The following DTNB variants were observed in gnomAD, a reference collection of about 807,000 sequenced individuals.
DTNB encodes the protein dystrobrevin beta.
Under a neutral mutation model 90.7 loss-of-function variants are expected in DTNB, and 63 were observed. The ratio of observed to expected loss-of-function variants is 0.69; its 90% CI spans 0.57 to 0.86. DTNB has a LOEUF of 0.86. DTNB is among the 40% of genes least tolerant of loss of function. The pLI, the probability that DTNB is intolerant of heterozygous loss-of-function variation, is 0.00. For synonymous variants in DTNB, 277 were observed against 286.7 expected (o/e 0.97, Z 0.34); for missense variants, 744 against 807.1 (o/e 0.92, Z 0.95).
chr2:25,463,711 T>C (rs952376875), intron 10 of DTNB, among the ~76,000 whole-genome samples: 1 of 152,158 alleles, frequency 6.6e-6, no homozygotes, highest in African/African-American at 2.4e-5. Flanking sequence ...CAATGGATGG[T>C]AGATGATGGG....
In DTNB at chr2:25,538,879, C is replaced by T. The variant is rs147709589; in HGVS notation, c.877-7282G>A. On this transcript the variant is annotated intron_variant, in intron 8 of 20. Transcript: ENST00000406818. ...ATCCTAACACTATACCCCACTCCCA[C>T]TCTGCCTCCTCCTCTCCTGATAATC... Among the ~76,000 whole-genome samples the T allele has an allele frequency of 1.9e-3, 285 of 152,352 alleles. 1 individual carries two copies. The highest frequency in any genetic ancestry group is 6.3e-3 in the African/African-American group (263 of 41,580).
chr2:25,561,739 A>G (rs756353883), intron 8 of DTNB, among the ~76,000 whole-genome samples: 42 of 152,080 alleles, frequency 2.8e-4, no homozygotes, highest in Non-Finnish European at 5.4e-4. Flanking sequence ...TGCTTCTGCT[A>G]TGCCTTCCAC....
intron 16 of DTNB, among the ~76,000 whole-genome samples, chr2:25,416,523 T>C (rs1316244797): frequency 2.6e-5 from 4 of 151,968 alleles, no homozygotes; most frequent in Non-Finnish European, 5.9e-5. Flanking sequence ...AATACAAAAA[T>C]TAGCCCAGTG....
chr2:25,429,907 T>G (rs2053285349), intron 14 of DTNB, among the ~76,000 whole-genome samples: 1 of 152,188 alleles, frequency 6.6e-6, no homozygotes, highest in South Asian at 2.1e-4. Context: ...ACTCTTTCCC[T>G]TTTCTGAAAT....
chr2:25,406,937 C>A (rs1033751290), intron 16 of DTNB, among the ~76,000 whole-genome samples: 2 of 152,118 alleles, frequency 1.3e-5, no homozygotes, highest in East Asian at 3.9e-4. Flanking sequence ...GAGGTCTGAG[C>A]AGGTTAAAAA....
chr2:25,651,393 G>A (rs896738226), intron 2 of DTNB, among the ~76,000 whole-genome samples: 11 of 152,230 alleles, frequency 7.2e-5, no homozygotes, highest in African/African-American at 2.4e-4. Context: ...CTGCTGTGGC[G>A]TGACGAACAG....
chr2:25,559,697 A>T (rs1559029120), intron 8 of DTNB, among the ~76,000 whole-genome samples: 1 of 152,236 alleles, frequency 6.6e-6, no homozygotes, highest in East Asian at 1.9e-4. Flanking sequence ...AGAAGAGTGA[A>T]TATTACCTTC....
At chr2:25,459,089 A>G (rs865927240) in intron 10 of DTNB, among the ~76,000 whole-genome samples, 23 of 151,624 alleles carry the variant, frequency 1.5e-4, no homozygotes, top group African/African-American at 5.6e-4. Context: ...ATTTTCAGCA[A>G]TTTGATTCTG....
At chr2:25,458,429 G>A (rs564329342) in intron 10 of DTNB, among the ~76,000 whole-genome samples, 1 of 151,830 alleles carries the variant, frequency 6.6e-6, no homozygotes, top group African/African-American at 2.4e-5. Flanking sequence ...AAAAAAGAGA[G>A]AGAGAAATCA....
chr2:25,515,760 A>G (rs1255194816), intron 9 of DTNB, among the ~76,000 whole-genome samples: 1 of 151,928 alleles, frequency 6.6e-6, no homozygotes, highest in Non-Finnish European at 1.5e-5. Flanking sequence ...TATTTTTAGT[A>G]GAGATGGGGT....
intron 9 of DTNB, among the ~76,000 whole-genome samples, chr2:25,488,707 C>T (rs1268849697): frequency 6.6e-6 from 1 of 152,204 alleles, no homozygotes; most frequent in Non-Finnish European, 1.5e-5. Flanking sequence ...GGCTGAAGTG[C>T]AATGGGGCAA....
chr2:25,411,042 A>G (rs992916249), intron 16 of DTNB, among the ~76,000 whole-genome samples: 3 of 151,874 alleles, frequency 2.0e-5, no homozygotes, highest in African/African-American at 7.3e-5. Flanking sequence ...CTTTGGGCTC[A>G]AATAGACTTA....
At chr2:25,566,683 T>C (rs923267765) in intron 8 of DTNB, among the ~76,000 whole-genome samples, 2 of 152,164 alleles carry the variant, frequency 1.3e-5, no homozygotes, top group African/African-American at 4.8e-5. Context: ...TAATAGTCGA[T>C]AGTCAATTGA....
intron 1 of DTNB, among the ~76,000 whole-genome samples, chr2:25,666,878 T>C (rs990700678): frequency 6.6e-6 from 1 of 151,732 alleles, no homozygotes; most frequent in Non-Finnish European, 1.5e-5. Flanking sequence ...ATGCTGGAGC[T>C]GAAAGGAAGC....
At chr2:25,408,415 T>G (rs2045779597) in intron 16 of DTNB, among the ~76,000 whole-genome samples, 1 of 151,742 alleles carries the variant, frequency 6.6e-6, no homozygotes, top group Non-Finnish European at 1.5e-5. Flanking sequence ...GACGTGCACC[T>G]GTAGTCCCAG....
At chr2:25,521,253 CA>C (rs780510479) in intron 9 of DTNB, among the ~76,000 whole-genome samples, 1 of 152,114 alleles carries the variant, frequency 6.6e-6, no homozygotes, top group Non-Finnish European at 1.5e-5. Flanking sequence ...CAAACTTTTT[CA>C]GGGCCAGATA....
At chr2:25,596,034 A>G (rs2064538993) in intron 6 of DTNB, 52 bp downstream of exon 6, 1 of 1,463,184 alleles carries the variant, frequency 6.8e-7, no homozygotes, top group Non-Finnish European at 9.0e-7. Context: ...TTAGAAGGTG[A>G]AGGGAGGGAA....
intron 9 of DTNB, among the ~76,000 whole-genome samples, chr2:25,503,457 C>T (rs1437896669): frequency 6.6e-6 from 1 of 152,078 alleles, no homozygotes; most frequent in Non-Finnish European, 1.5e-5. Context: ...TGTGTCACTG[C>T]ACTCCAGCCA....
At chr2:25,418,497 G>A (rs1265817750) in intron 16 of DTNB, among the ~76,000 whole-genome samples, 2 of 152,038 alleles carry the variant, frequency 1.3e-5, no homozygotes, top group Non-Finnish European at 2.9e-5. Flanking sequence ...TCAGGAGTTC[G>A]AGACCAGCCT....
Sources: allele counts gnomAD v4.1 joint callset (sites outside exome capture counted in the v4.1 genomes callset), GRCh38; gene constraint gnomAD v4.1.1; transcripts MANE v1.5; gene names NCBI Gene and HGNC (gene_info 2026-07-23, HGNC 2026-07-21).